Variants in PLCL1 observed in about 807,000 individuals in gnomAD.
PLCL1 encodes the protein inactive phospholipase C-like protein 1.
In PLCL1, 41 loss-of-function variants were observed where a neutral mutation model predicts 84.4. That is an observed-to-expected ratio of 0.49 (90% CI 0.38 to 0.63). PLCL1 has a LOEUF of 0.63. Among genes scored for constraint, PLCL1 ranks in the 30% least tolerant of loss-of-function variants. The probability of loss-of-function intolerance (pLI) is 0.00; values close to 1 mark genes in which losing one functional copy is unlikely to be tolerated. For missense variants in PLCL1, 1,206 were observed against 1,367.8 expected (o/e 0.88, Z 1.87); for synonymous variants, 490 against 488.3 (o/e 1.00, Z -0.05).
At chr2:198,042,883 C>G (rs749597495) in intron 1 of PLCL1, among the ~76,000 whole-genome samples, 1 of 152,018 alleles carries the variant, frequency 6.6e-6, no homozygotes, top group African/African-American at 2.4e-5. Context: ...GGAGATAATA[C>G]GGGGTTGGTA....
At chr2:197,905,226 C>G (rs1036519665) in intron 1 of PLCL1, among the ~76,000 whole-genome samples, 3 of 152,208 alleles carry the variant, frequency 2.0e-5, no homozygotes, top group African/African-American at 7.2e-5. Flanking sequence ...AGGTATTTCT[C>G]CTAATGCTAT....
At chr2:198,106,842 G>A (rs1279574250) in intron 5 of PLCL1, among the ~76,000 whole-genome samples, 1 of 151,832 alleles carries the variant, frequency 6.6e-6, no homozygotes, top group Non-Finnish European at 1.5e-5. Context: ...TCACAAATGA[G>A]GAAATTGAGG....
At chr2:198,004,338 G>A (rs1445753243) in intron 1 of PLCL1, among the ~76,000 whole-genome samples, 1 of 152,164 alleles carries the variant, frequency 6.6e-6, no homozygotes, top group Non-Finnish European at 1.5e-5. Flanking sequence ...TGGATCACTT[G>A]CATGTGCCAA....
chr2:197,824,239 G>A (rs1690881299), intron 1 of PLCL1, among the ~76,000 whole-genome samples: 1 of 152,014 alleles, frequency 6.6e-6, no homozygotes, highest in African/African-American at 2.4e-5. Context: ...ACTCTGTGAA[G>A]GCATCTGTTA....
chr2:197,884,901 CTG>C (rs1255283425), intron 1 of PLCL1, among the ~76,000 whole-genome samples: 1 of 152,016 alleles, frequency 6.6e-6, no homozygotes, highest in Non-Finnish European at 1.5e-5. Flanking sequence ...AAAATTGAGA[CTG>C]TATTGTTCCC....
At chr2:198,075,304 A>G (rs1692552774) in intron 1 of PLCL1, among the ~76,000 whole-genome samples, 1 of 152,218 alleles carries the variant, frequency 6.6e-6, no homozygotes, top group Non-Finnish European at 1.5e-5. Flanking sequence ...AGGATGAGGC[A>G]GACATCTGTC....
chr2:197,814,897 G>T (rs2106415958), intron 1 of PLCL1, among the ~76,000 whole-genome samples: 1 of 152,286 alleles, frequency 6.6e-6, no homozygotes, highest in African/African-American at 2.4e-5. Flanking sequence ...TGTGAAGGCT[G>T]ATAGGGGCGA....
At chr2:198,109,462 A>G (rs1693564269) in intron 5 of PLCL1, among the ~76,000 whole-genome samples, 1 of 151,908 alleles carries the variant, frequency 6.6e-6, no homozygotes, top group South Asian at 2.1e-4. Context: ...CATAATATTA[A>G]AATCTCAAAA....
chr2:198,122,900 A>G (rs1693900736), intron 5 of PLCL1, among the ~76,000 whole-genome samples: 1 of 152,104 alleles, frequency 6.6e-6, no homozygotes, highest in Admixed American at 6.6e-5. Flanking sequence ...ATATGTACAC[A>G]CTATTATGAT....
intron 1 of PLCL1, among the ~76,000 whole-genome samples, chr2:197,860,920 A>C (rs189583586): frequency 1.5e-3 from 225 of 152,210 alleles, no homozygotes; most frequent in Non-Finnish European, 2.5e-3. Context: ...TGCTTTTGGC[A>C]TCTTCGTCAT....
chr2:197,936,858 G>T (rs1331094465), intron 1 of PLCL1, among the ~76,000 whole-genome samples: 2 of 152,046 alleles, frequency 1.3e-5, no homozygotes, highest in Non-Finnish European at 2.9e-5. Context: ...TCATTGCCTA[G>T]ACCAATGTCA....
At chr2:197,905,889 T>C (rs1688371354) in intron 1 of PLCL1, among the ~76,000 whole-genome samples, 2 of 152,260 alleles carry the variant, frequency 1.3e-5, no homozygotes, top group Non-Finnish European at 2.9e-5. Context: ...TGTCTGTTCA[T>C]ATCCTTCACC....
chr2:197,949,267 G>C (rs140535989), intron 1 of PLCL1, among the ~76,000 whole-genome samples: 1 of 152,164 alleles, frequency 6.6e-6, no homozygotes. Flanking sequence ...GATCAGAGAG[G>C]CTGCTGAGAA....
intron 1 of PLCL1, among the ~76,000 whole-genome samples, chr2:197,983,200 CT>C (rs760577848): frequency 3.3e-5 from 2 of 60,284 alleles, no homozygotes; most frequent in Non-Finnish European, 6.0e-5. Flanking sequence ...CTTTTCTTTT[CT>C]TTTTTTTTTT....
chr2:197,868,071 C>G (rs915015867), intron 1 of PLCL1, among the ~76,000 whole-genome samples: 1 of 152,138 alleles, frequency 6.6e-6, no homozygotes, highest in Non-Finnish European at 1.5e-5. Context: ...GGCCTATCCA[C>G]CCGGTGACCA....
chr2:197,807,759 T>C (rs934256921), intron 1 of PLCL1, among the ~76,000 whole-genome samples: 2 of 152,192 alleles, frequency 1.3e-5, no homozygotes, highest in African/African-American at 4.8e-5. Flanking sequence ...AATCAAAATA[T>C]TAAATGCTGT....
At chr2:198,037,928 G>T (rs1190346674) in intron 1 of PLCL1, among the ~76,000 whole-genome samples, 3 of 152,106 alleles carry the variant, frequency 2.0e-5, no homozygotes, top group Admixed American at 2.0e-4. Flanking sequence ...AACTTACTTT[G>T]TAAGTATCTT....
chr2:197,809,360 A>G (rs1458909915), intron 1 of PLCL1, among the ~76,000 whole-genome samples: 1 of 152,218 alleles, frequency 6.6e-6, no homozygotes, highest in African/African-American at 2.4e-5. Flanking sequence ...CAGATGCAAG[A>G]AGTCCCACAA....
chr2:197,895,441 C>G (rs1450242070), intron 1 of PLCL1, among the ~76,000 whole-genome samples: 1 of 151,682 alleles, frequency 6.6e-6, no homozygotes, highest in Non-Finnish European at 1.5e-5. Context: ...AAGCAAATTT[C>G]CATATGTAGA....
Sources: gnomAD v4.1 joint callset for allele counts (sites outside exome capture counted in the v4.1 genomes callset) on GRCh38, gnomAD v4.1.1 for gene constraint, MANE v1.5 for transcripts, NCBI Gene and HGNC (gene_info 2026-07-23, HGNC 2026-07-21) for gene names.